The following NDUFAF2 variants were observed in gnomAD, a reference collection of about 807,000 sequenced individuals.
NDUFAF2 encodes the protein NADH:ubiquinone oxidoreductase complex assembly factor 2, also known as NADH dehydrogenase [ubiquinone] 1 alpha subcomplex assembly factor 2.
A neutral mutation model predicts 22.8 loss-of-function variants in NDUFAF2; 13 were observed. That is an observed-to-expected ratio of 0.57 (90% CI 0.37 to 0.91). The LOEUF (loss-of-function observed/expected upper bound fraction) is 0.91. Among genes scored for constraint, NDUFAF2 ranks in the 40% least tolerant of loss-of-function variants. NDUFAF2 has a pLI of 0.01. For missense variants in NDUFAF2, 162 were observed against 195.2 expected (o/e 0.83, Z 1.01); for synonymous variants, 53 against 64.2 (o/e 0.83, Z 0.84).
At chr5:61,144,163 A>T (rs946194478) in intron 3 of NDUFAF2, among the ~76,000 whole-genome samples, 2 of 152,142 alleles carry the variant, frequency 1.3e-5, no homozygotes, top group Non-Finnish European at 2.9e-5. Flanking sequence ...ATGGAATTTT[A>T]TGCTTACCAT....
rs138474480 is a variant in NDUFAF2, at chr5:60,958,472, T to C, written c.127+13090T>C. 5.3e-3 allele frequency among the ~76,000 whole-genome samples: 813 copies of C among 152,302 alleles called. 19 individuals carry two copies. Among genetic ancestry groups the C allele is most frequent in the East Asian group, 0.052 (271 of 5,178 alleles). On this transcript the variant is annotated intron_variant, in intron 1 of 3. Coordinates refer to ENST00000296597, the MANE Select transcript of NDUFAF2 (RefSeq NM_174889.5). ...ATCTTTTTAGTGATACTTAAAGTAA[T>C]GATAACTATTATTTATTAGGTGCTA...
chr5:60,976,525 T>G (rs533885545), intron 1 of NDUFAF2, among the ~76,000 whole-genome samples: 1 of 152,288 alleles, frequency 6.6e-6, no homozygotes, highest in East Asian at 1.9e-4. Context: ...CCCAAGGGGG[T>G]AGACTTTGGC....
intron 3 of NDUFAF2, among the ~76,000 whole-genome samples, chr5:61,136,124 T>C (rs1182950901): frequency 1.3e-5 from 2 of 149,482 alleles, no homozygotes; most frequent in Non-Finnish European, 3.0e-5. Flanking sequence ...TGCTGAATTA[T>C]TTGTTGTTCT....
chr5:60,991,335 ATTCT>A (rs1255042508), intron 1 of NDUFAF2, among the ~76,000 whole-genome samples: 1 of 152,056 alleles, frequency 6.6e-6, no homozygotes, highest in Non-Finnish European at 1.5e-5. Context: ...AATCAATTAC[ATTCT>A]TTAAGTTATT....
chr5:61,071,077 A>C (rs535910364), intron 1 of NDUFAF2, among the ~76,000 whole-genome samples: 1 of 152,338 alleles, frequency 6.6e-6, no homozygotes, highest in South Asian at 2.1e-4. Context: ...GTTATGATGT[A>C]TTTATATATG....
intron 1 of NDUFAF2, among the ~76,000 whole-genome samples, chr5:61,038,642 G>C (rs955464265): frequency 2.0e-5 from 3 of 152,018 alleles, no homozygotes; most frequent in African/African-American, 7.2e-5. Context: ...ATCATGTTAG[G>C]GACCAAATGC....
chr5:61,070,958 G>C (rs1752291314), intron 1 of NDUFAF2, among the ~76,000 whole-genome samples: 1 of 152,016 alleles, frequency 6.6e-6, no homozygotes, highest in African/African-American at 2.4e-5. Flanking sequence ...TTGGTAATTA[G>C]ATAAGGACTA....
chr5:61,059,523 A>T (rs1164323418), intron 1 of NDUFAF2, among the ~76,000 whole-genome samples: 4 of 152,090 alleles, frequency 2.6e-5, no homozygotes, highest in Non-Finnish European at 1.5e-5. Flanking sequence ...GGTTACTTGG[A>T]ATTGTTCTGC....
At chr5:61,093,086 G>A (rs746833462) in intron 2 of NDUFAF2, among the ~76,000 whole-genome samples, 1 of 152,202 alleles carries the variant, frequency 6.6e-6, no homozygotes, top group Non-Finnish European at 1.5e-5. Context: ...TGAAGTTCGA[G>A]AGCAGGAAGC....
chr5:60,987,102 C>T (rs1170578012), intron 1 of NDUFAF2, among the ~76,000 whole-genome samples: 1 of 152,086 alleles, frequency 6.6e-6, no homozygotes, highest in Non-Finnish European at 1.5e-5. Context: ...AATGTTACCG[C>T]TGACCCCACA....
chr5:61,015,285 A>AT (rs1244366528), intron 1 of NDUFAF2, among the ~76,000 whole-genome samples: 1 of 152,068 alleles, frequency 6.6e-6, no homozygotes, highest in Admixed American at 6.6e-5. Context: ...TTTTAAATTA[A>AT]TTTTTTTAAT....
intron 3 of NDUFAF2, among the ~76,000 whole-genome samples, chr5:61,147,437 CTT>C (rs1240336890): frequency 1.8e-4 from 15 of 84,724 alleles, no homozygotes; most frequent in South Asian, 1.0e-3. Flanking sequence ...TTTTTTCTTT[CTT>C]TTTTTTTTTT....
At position 61,142,439 on chromosome 5, in the gene NDUFAF2, C is replaced by T. The variant is rs115314274; in HGVS notation, c.259-10265C>T. Among the ~76,000 whole-genome samples the T allele has an allele frequency of 9.8e-3, 1,499 of 152,190 alleles. 27 individuals carry two copies. Among genetic ancestry groups the T allele is most frequent in the African/African-American group, 0.033 (1,361 of 41,524 alleles). On this transcript the variant is annotated intron_variant, in intron 3 of 3. Coordinates refer to ENST00000296597, the MANE Select transcript of NDUFAF2 (RefSeq NM_174889.5). ...TAAACAAACCATACAATTGTCCCCT[C>T]AAATAACAGGAATCATTGAGATAGC...
chr5:60,976,850 G>A (rs1002199836), intron 1 of NDUFAF2, among the ~76,000 whole-genome samples: 3 of 152,120 alleles, frequency 2.0e-5, no homozygotes, highest in African/African-American at 7.2e-5. Context: ...GAGGCAGATG[G>A]TATAATAGAA....
At chr5:60,972,773 G>GTTTTTTTTTTTTTTTTGTTTTTTTT (rs35076688) in intron 1 of NDUFAF2, among the ~76,000 whole-genome samples, 6 of 103,912 alleles carry the variant, frequency 5.8e-5, no homozygotes, top group East Asian at 5.5e-4. Flanking sequence ...TGTGTATTCT[G>GTTTTTTTTTTTTTTTTGTTTTTTTT]TTTTTTTTTT....
At chr5:61,006,910 G>T (rs967147797) in intron 1 of NDUFAF2, among the ~76,000 whole-genome samples, 2 of 151,978 alleles carry the variant, frequency 1.3e-5, no homozygotes, top group Non-Finnish European at 2.9e-5. Flanking sequence ...CTAAGTCTCT[G>T]GTTTTGGAAC....
chr5:61,037,273 T>C (rs1751811753), intron 1 of NDUFAF2, among the ~76,000 whole-genome samples: 1 of 152,144 alleles, frequency 6.6e-6, no homozygotes, highest in Non-Finnish European at 1.5e-5. Context: ...GAAGGCTTTG[T>C]AGAGAAAACA....
chr5:61,067,087 G>A (rs1053216021), intron 1 of NDUFAF2, among the ~76,000 whole-genome samples: 1 of 152,042 alleles, frequency 6.6e-6, no homozygotes, highest in Non-Finnish European at 1.5e-5. Flanking sequence ...GATTTTAGTT[G>A]CTCTTGCGAC....
intron 1 of NDUFAF2, among the ~76,000 whole-genome samples, chr5:61,044,338 G>A (rs977384449): frequency 7.2e-5 from 11 of 151,880 alleles, no homozygotes; most frequent in African/African-American, 2.7e-4. Flanking sequence ...GTTTTACTGT[G>A]CAGAAGCTTT....
Sources: allele counts gnomAD v4.1 joint callset (sites outside exome capture counted in the v4.1 genomes callset), GRCh38; gene constraint gnomAD v4.1.1; transcripts MANE v1.5; gene names NCBI Gene and HGNC (gene_info 2026-07-23, HGNC 2026-07-21).